The following EEA1 variants were observed in gnomAD, a reference collection of about 807,000 sequenced individuals.
The protein encoded by EEA1 is early endosome antigen 1, also known as early endosome antigen 1, 162kD.
A neutral mutation model predicts 209.2 loss-of-function variants in EEA1; 111 were observed. That is an observed-to-expected ratio of 0.53 (90% CI 0.45 to 0.62). EEA1 has a LOEUF of 0.62. EEA1 is among the 20% of genes least tolerant of loss of function. The pLI is 0.00. For missense variants in EEA1, 1,343 were observed against 1,530.8 expected, an observed-to-expected ratio of 0.88 and a Z score of 2.05; for synonymous variants, 536 against 540.6, an observed-to-expected ratio of 0.99 and a Z score of 0.12.
At chr12:92,831,120 T>A (rs1592725076) in intron 11 of EEA1, among the ~76,000 whole-genome samples, 1 of 152,144 alleles carries the variant, frequency 6.6e-6, no homozygotes, top group African/African-American at 2.4e-5. Context: ...ACTAACATAA[T>A]CATGATTATT....
At chr12:92,874,511 G>A (rs1023838574) in intron 2 of EEA1, among the ~76,000 whole-genome samples, 2 of 152,102 alleles carry the variant, frequency 1.3e-5, no homozygotes, top group African/African-American at 4.8e-5. Context: ...GATTACAGGC[G>A]CTTGCCGCCA....
chr12:92,887,408 G>A (rs918442775), intron 2 of EEA1, among the ~76,000 whole-genome samples: 3 of 152,128 alleles, frequency 2.0e-5, no homozygotes, highest in Non-Finnish European at 2.9e-5. Flanking sequence ...ACTTTGGGAA[G>A]CTGAGGCAGG....
intron 3 of EEA1, 91 bp downstream of exon 3, chr12:92,864,769 T>A (rs1878299575): frequency 8.2e-7 from 1 of 1,219,056 alleles, no homozygotes; most frequent in Non-Finnish European, 1.1e-6. Context: ...TACAAAAAGG[T>A]TACTATTTTC....
chr12:92,796,086 GA>G lies in EEA1; in HGVS notation c.2967+2805del, dbSNP rs796126018. On this transcript the variant is annotated intron_variant, in intron 21 of 28. Transcript: ENST00000322349. ...AAATCCATTAGTGAAGAAGTTAAAT[GA>G]AAAAAAAAACAGATAAATGCAACAG... Among the ~76,000 whole-genome samples the G allele has an allele frequency of 2.0e-3, 285 of 143,822 alleles. 1 individual carries two copies. Among genetic ancestry groups the G allele is most frequent in the South Asian group, 6.7e-3 (30 of 4,480 alleles). The allele number at this position is 143,822 out of a possible 152,430, so 94.4% of individuals were successfully genotyped here.
At chr12:92,782,750 C>A (rs1392143145) in intron 22 of EEA1, among the ~76,000 whole-genome samples, 2 of 152,194 alleles carry the variant, frequency 1.3e-5, no homozygotes, top group Admixed American at 6.5e-5. Flanking sequence ...AACAGAATCT[C>A]GTCTCCTGCC....
rs1240532313 is a variant in EEA1 at position 92,837,235 on chromosome 12, A to C, written c.916-4385T>G. 2.0e-5 allele frequency among the ~76,000 whole-genome samples: 3 copies of C among 152,130 alleles called. No homozygotes were observed. The East Asian group carries it at 5.8e-4, about 29-fold the overall frequency. On this transcript the variant is annotated intron_variant, in intron 10 of 28. Transcript: ENST00000322349. The stretch of plus-strand genomic sequence containing the variant: ...TTTATGTAATGTTCCTATTAATCCT[A>C]AGAGGTAAGTGGGTATAATAATATT...
chr12:92,775,220 C>T lies in EEA1; in HGVS notation c.*791G>A, dbSNP rs1873604647. The stretch of plus-strand genomic sequence containing the variant: ...ACTGACAGCGAGGGTAAGAAGCTTT[C>T]TAAGATTCTAAATGGACAATGCGTG... On this transcript the variant is annotated 3_prime_UTR_variant, in exon 29 of 29. Transcript: ENST00000322349. 1 of 151,484 alleles carries T rather than the reference C, an allele frequency of 6.6e-6. No individual in the cohort carries two copies. Among genetic ancestry groups the T allele is most frequent in the Non-Finnish European group, 1.5e-5 (1 of 67,654 alleles). The allele number at this position is 151,484 out of a possible 1,614,324, so 9.4% of individuals were successfully genotyped here.
chr12:92,832,412 T>A, intron 11 of EEA1, 100 bp downstream of exon 11: 1 of 1,146,982 alleles, frequency 8.7e-7, no homozygotes, highest in Non-Finnish European at 1.2e-6. Flanking sequence ...AAAATGACAA[T>A]ATTTTTTCAA....
chr12:92,847,336 G>A (rs1224427421), intron 9 of EEA1, among the ~76,000 whole-genome samples: 1 of 152,104 alleles, frequency 6.6e-6, no homozygotes, highest in Non-Finnish European at 1.5e-5. Context: ...GGTAAAAACA[G>A]CAACATCCAT....
At position 92,787,991 on chromosome 12, in the gene EEA1, G is replaced by T; in HGVS notation, c.3026C>A (p.Ala1009Glu). The change falls in exon 22 of 29, where the codon GCA becomes GAA. Residue 1009 changes from alanine (A) to glutamate (E), a missense_variant. This residue lies in a region of EEA1 where 1,307 missense variants were observed against 1,465.5 expected (regional missense o/e 0.89). Transcript: ENST00000322349. ...TAATACTGATATTTTCTCTTTCTCT[G>T]CTGCAAGTTCCTGGGCTGCCTGTGT... ...QLTQAAQELA[A>E]EKEKISVLQN... 6.2e-7 allele frequency: 1 copy of T among 1,611,804 alleles called. No individual in the cohort carries two copies.
intron 21 of EEA1, among the ~76,000 whole-genome samples, chr12:92,789,802 G>A (rs866519976): frequency 3.9e-5 from 6 of 152,202 alleles, no homozygotes; most frequent in South Asian, 4.1e-4. Flanking sequence ...CTCTGAGAAC[G>A]GACAGACTGC....
intron 9 of EEA1, 90 bp downstream of exon 9, chr12:92,851,021 C>T: frequency 1.2e-5 from 15 of 1,271,624 alleles, no homozygotes; most frequent in South Asian, 1.7e-5. Flanking sequence ...TGATAGGCCA[C>T]TCAGAAAAAT....
At chr12:92,905,901 CAT>C (rs111324363) in intron 1 of EEA1, among the ~76,000 whole-genome samples, 38,237 of 149,762 alleles carry the variant, frequency 0.26, 5,308 homozygotes, top group Non-Finnish European at 0.32. Flanking sequence ...ATAATTTAGA[CAT>C]ATATATATAT....
intron 1 of EEA1, among the ~76,000 whole-genome samples, chr12:92,928,700 C>T (rs1164754108): frequency 1.3e-5 from 2 of 152,150 alleles, no homozygotes; most frequent in Non-Finnish European, 2.9e-5. Flanking sequence ...GCCCGTCCCA[C>T]GGGCACCAAC....
intron 2 of EEA1, among the ~76,000 whole-genome samples, chr12:92,890,364 AAAGT>A (rs1164472649): frequency 1.3e-5 from 2 of 152,202 alleles, no homozygotes; most frequent in Non-Finnish European, 2.9e-5. Flanking sequence ...TCAGTGTAAT[AAAGT>A]AAGAGGAAAC....
Position 92,929,202 on chromosome 12 carries a change from C to A in EEA1, c.-136G>T. ...GGAGGTCGGGGCGAGGCGGTGGCGA[C>A]GGCCGCTCGGGCGGCCCCGACTTCC... On this transcript the variant is annotated 5_prime_UTR_variant, in exon 1 of 29. Transcript: ENST00000322349. 2 of 818,832 alleles carry A rather than the reference C, an allele frequency of 2.4e-6. No individual in the cohort carries two copies. The highest frequency in any genetic ancestry group is 3.6e-6 in the Non-Finnish European group (2 of 558,034). The allele number at this position is 818,832 out of a possible 1,614,324, so 50.7% of individuals were successfully genotyped here.
chr12:92,851,348 G>T, intron 8 of EEA1, 82 bp from the exon 9 acceptor site: 1 of 1,312,830 alleles, frequency 7.6e-7, no homozygotes. Context: ...CACTACAAAG[G>T]AATCAAAAGG....
chr12:92,901,872 A>G (rs559403140), intron 1 of EEA1, among the ~76,000 whole-genome samples: 8 of 152,216 alleles, frequency 5.3e-5, no homozygotes, highest in African/African-American at 1.7e-4. Context: ...CCCAGCCTTC[A>G]TTCTTATTCT....
At chr12:92,891,767 A>G in intron 1 of EEA1, 46 bp from the exon 2 acceptor site, 2 of 1,348,174 alleles carry the variant, frequency 1.5e-6, no homozygotes, top group Non-Finnish European at 1.0e-6. Flanking sequence ...AGCAGACATT[A>G]ACAATATATT....
Sources: gnomAD v4.1 joint callset for allele counts (sites outside exome capture counted in the v4.1 genomes callset) on GRCh38, gnomAD v4.1.1 for gene constraint, gnomAD v4.1.1 regional missense constraint, MANE v1.5 for transcripts, NCBI Gene and HGNC (gene_info 2026-07-23, HGNC 2026-07-21) for gene names.